VPS39: variants seen among roughly 807,000 people sequenced by gnomAD.
VPS39 encodes the protein VPS39 subunit of HOPS complex.
A neutral mutation model predicts 121.0 loss-of-function variants in VPS39; 70 were observed. The observed-to-expected ratio is 0.58, with a 90% CI of 0.48 to 0.71. The LOEUF (loss-of-function observed/expected upper bound fraction) is 0.71, where lower values mean the gene tolerates loss of function less well. VPS39 is among the 30% of genes least tolerant of loss of function. VPS39 has a pLI of 0.00. For missense variants in VPS39, 818 were observed against 1,051.5 expected (o/e 0.78, Z 3.07); for synonymous variants, 378 against 398.1 (o/e 0.95, Z 0.60).
At chr15:42,192,780 T>C (rs953628403) in intron 2 of VPS39, among the ~76,000 whole-genome samples, 5 of 146,674 alleles carry the variant, frequency 3.4e-5, no homozygotes, top group African/African-American at 1.3e-4. Flanking sequence ...TTGTTTTGTT[T>C]TGTTTTGTTT....
In VPS39 at chr15:42,199,425, G is replaced by A. The variant is rs1337184864; in HGVS notation, c.139+471C>T. 3.6e-5 allele frequency: 10 copies of A among 277,122 alleles called. No individual in the cohort carries two copies. The East Asian group carries it at 4.2e-4, about 12-fold the overall frequency. 17.2% of individuals were successfully genotyped at this position (277,122 alleles called of 1,614,324 possible). ...TTGGAAAGAACTTGCTCACGGTCAC[G>A]CAGCCAGGGGGAAGTGCACATGAAG... On this transcript the variant is annotated intron_variant, in intron 2 of 24. Coordinates refer to ENST00000318006, the MANE Select transcript of VPS39 (RefSeq NM_015289.5).
At position 42,160,583 on chromosome 15, in the gene VPS39, G is replaced by A. The variant is rs2049108525; in HGVS notation, c.*171C>T. ...CTTTTCCCATTAAAAAGCTGGCAAT[G>A]CCAGACCATGAGTCTAATTAATTCA... On this transcript the variant is annotated 3_prime_UTR_variant, in exon 25 of 25. Transcript: ENST00000318006. 1 of 639,438 alleles carries A rather than the reference G, an allele frequency of 1.6e-6. No individual in the cohort carries two copies. The highest frequency in any genetic ancestry group is 2.8e-6 in the Non-Finnish European group (1 of 356,220). 39.6% of individuals were successfully genotyped at this position (639,438 alleles called of 1,614,324 possible). A position where few individuals can be genotyped will look rare whatever the true frequency, so the allele number is the denominator to read the frequency against.
chr15:42,177,666 A>AT (rs59561616), intron 10 of VPS39, among the ~76,000 whole-genome samples: 15,945 of 147,912 alleles, frequency 0.11, 1,191 homozygotes, highest in Admixed American at 0.19. Flanking sequence ...TCTCCCATTA[A>AT]TTTTTTTTTT....
intron 1 of VPS39, among the ~76,000 whole-genome samples, chr15:42,202,084 T>C (rs554236833): frequency 2.0e-5 from 3 of 152,284 alleles, no homozygotes; most frequent in African/African-American, 7.2e-5. Context: ...CAACCCCAAT[T>C]TGTCTTGATT....
chr15:42,192,851 T>C (rs1338415340), intron 2 of VPS39, among the ~76,000 whole-genome samples: 1 of 152,188 alleles, frequency 6.6e-6, no homozygotes, highest in Non-Finnish European at 1.5e-5. Flanking sequence ...CAATCTCAGC[T>C]CACTGCAACA....
chr15:42,199,684 C>A, intron 2 of VPS39: 1 of 546,194 alleles, frequency 1.8e-6, no homozygotes, highest in Non-Finnish European at 3.3e-6. Context: ...AATAAGTAAA[C>A]CAGCAATTCA....
intron 1 of VPS39, 78 bp from the exon 2 acceptor site, chr15:42,200,039 C>G: frequency 7.4e-7 from 1 of 1,357,622 alleles, no homozygotes; most frequent in Non-Finnish European, 9.6e-7. Context: ...TGAGTATAAC[C>G]CTATTTTTTT....
intron 10 of VPS39, among the ~76,000 whole-genome samples, chr15:42,177,162 TAAAAAAAAAAA>T: frequency 1.8e-5 from 1 of 56,414 alleles, no homozygotes. Flanking sequence ...GACCCTGTTT[TAAAAAAAAAAA>T]AAAAAAAAAA....
At chr15:42,184,052 T>C (rs1330129642) in intron 8 of VPS39, 2 of 21,562 alleles carry the variant, frequency 9.3e-5, no homozygotes, top group South Asian at 3.1e-3. Flanking sequence ...GCCTCTAAGC[T>C]ACAAAAAAAA....
At chr15:42,198,655 T>G (rs908023295) in intron 2 of VPS39, among the ~76,000 whole-genome samples, 1 of 152,192 alleles carries the variant, frequency 6.6e-6, no homozygotes, top group African/African-American at 2.4e-5. Flanking sequence ...AATTAAAAAT[T>G]TAAAACATTA....
chr15:42,195,392 T>C (rs958383708), intron 2 of VPS39, among the ~76,000 whole-genome samples: 20 of 152,286 alleles, frequency 1.3e-4, no homozygotes, highest in South Asian at 4.1e-4. Flanking sequence ...CTGGGCAATC[T>C]GGCGAAACCC....
At chr15:42,199,433 G>T in intron 2 of VPS39, 1 of 293,062 alleles carries the variant, frequency 3.4e-6, no homozygotes, top group East Asian at 1.3e-4. Flanking sequence ...ACGCAGCCAG[G>T]GGGAAGTGCA....
chr15:42,198,246 T>C (rs2049986442), intron 2 of VPS39, among the ~76,000 whole-genome samples: 1 of 152,256 alleles, frequency 6.6e-6, no homozygotes. Flanking sequence ...AATTGTTGAA[T>C]GCTGAATAAG....
At chr15:42,170,429 G>A (rs1010001008) in intron 11 of VPS39, among the ~76,000 whole-genome samples, 10 of 152,156 alleles carry the variant, frequency 6.6e-5, no homozygotes, top group African/African-American at 2.4e-4. Flanking sequence ...CTTGAGCCCA[G>A]GAGGTCGAGG....
intron 10 of VPS39, 68 bp downstream of exon 10, chr15:42,178,150 C>A: frequency 6.2e-7 from 1 of 1,601,356 alleles, no homozygotes. Flanking sequence ...TAAATATGAA[C>A]ATTGAAACCC....
chr15:42,162,935 T>C, intron 21 of VPS39, among the ~76,000 whole-genome samples: 1 of 152,134 alleles, frequency 6.6e-6, no homozygotes, highest in Non-Finnish European at 1.5e-5. Context: ...CTGTGCATTG[T>C]TTAGCAGCAT....
At chr15:42,162,562 G>A (rs906155919) in intron 21 of VPS39, 81 bp from the exon 22 acceptor site, 32 of 1,455,348 alleles carry the variant, frequency 2.2e-5, no homozygotes, top group African/African-American at 1.8e-4. Flanking sequence ...CTAACGATTC[G>A]AGGGGCTCGC....
intron 10 of VPS39, among the ~76,000 whole-genome samples, chr15:42,174,869 G>A (rs145688962): frequency 6.6e-6 from 1 of 152,136 alleles, no homozygotes; most frequent in Non-Finnish European, 1.5e-5. Flanking sequence ...AGCTACTCAG[G>A]AGGCCAAGGC....
At chr15:42,197,420 G>A (rs1467692329) in intron 2 of VPS39, among the ~76,000 whole-genome samples, 2 of 151,888 alleles carry the variant, frequency 1.3e-5, no homozygotes, top group Non-Finnish European at 1.5e-5. Flanking sequence ...GGGCATAGTG[G>A]TGTGTGCCTG....
Sources: allele counts gnomAD v4.1 joint callset (sites outside exome capture counted in the v4.1 genomes callset), GRCh38; gene constraint gnomAD v4.1.1; transcripts MANE v1.5; gene names NCBI Gene and HGNC (gene_info 2026-07-23, HGNC 2026-07-21).